The following GNPDA1 variants were observed in gnomAD, a reference collection of about 807,000 sequenced individuals.
GNPDA1 encodes glucosamine-6-phosphate deaminase 1.
In GNPDA1, 24 loss-of-function variants were observed where a neutral mutation model predicts 28.5. The ratio of observed to expected loss-of-function variants is 0.84; its 90% CI spans 0.61 to 1.19. The LOEUF (loss-of-function observed/expected upper bound fraction) is 1.19, where lower values mean the gene tolerates loss of function less well. GNPDA1 is among the 50% of genes most tolerant of loss of function. The pLI is 0.00. For synonymous variants in GNPDA1, 147 were observed against 139.3 expected (o/e 1.06, Z -0.39); for missense variants, 264 against 367.3 (o/e 0.72, Z 2.30).
intron 2 of GNPDA1, among the ~76,000 whole-genome samples, chr5:142,010,165 A>AT (rs558622526): frequency 2.7e-5 from 4 of 150,106 alleles, no homozygotes; most frequent in Non-Finnish European, 5.9e-5. Context: ...TGCGGCCTTT[A>AT]TTTTTTATTT....
chr5:142,006,444 G>A, intron 3 of GNPDA1, 118 bp from the exon 4 acceptor site: 2 of 723,190 alleles, frequency 2.8e-6, no homozygotes, highest in East Asian at 2.7e-5. Context: ...GCCCATCTGG[G>A]AGCCTTAGGC....
At chr5:142,007,105 G>T (rs1308401095) in intron 3 of GNPDA1, among the ~76,000 whole-genome samples, 1 of 152,146 alleles carries the variant, frequency 6.6e-6, no homozygotes, top group Non-Finnish European at 1.5e-5. Flanking sequence ...GTTGTTTCAC[G>T]GGTATAGAGC....
At chr5:142,011,281 A>C (rs1460060205) in intron 2 of GNPDA1, among the ~76,000 whole-genome samples, 1 of 149,898 alleles carries the variant, frequency 6.7e-6, no homozygotes, top group East Asian at 1.9e-4. Flanking sequence ...AGACCCCTCC[A>C]ACACACACAC....
chr5:142,006,432 C>T, intron 3 of GNPDA1, 106 bp from the exon 4 acceptor site: 1 of 806,472 alleles, frequency 1.2e-6, no homozygotes, highest in Non-Finnish European at 2.0e-6. Flanking sequence ...TCCCAGGGGT[C>T]TGCCCATCTG....
intron 2 of GNPDA1, among the ~76,000 whole-genome samples, chr5:142,008,707 A>G (rs1000875378): frequency 3.3e-5 from 5 of 152,128 alleles, no homozygotes; most frequent in African/African-American, 9.7e-5. Flanking sequence ...AGCCTGGCCA[A>G]TAGAGCCAGA....
chr5:142,001,736 G>T lies in GNPDA1; in HGVS notation c.*293C>A, dbSNP rs1447506842. The T allele has an allele frequency of 7.8e-6, 2 of 256,322 alleles. No individual in the cohort carries two copies. Among genetic ancestry groups the T allele is most frequent in the Non-Finnish European group, 1.5e-5 (2 of 135,108 alleles). 15.9% of individuals were successfully genotyped at this position (256,322 alleles called of 1,614,324 possible). A position where few individuals can be genotyped will look rare whatever the true frequency, so the allele number is the denominator to read the frequency against. On this transcript the variant is annotated 3_prime_UTR_variant, in exon 7 of 7. Coordinates refer to ENST00000311337, the MANE Select transcript of GNPDA1 (RefSeq NM_005471.5). ...CCTGACGGGAGTGTGTCATATGTGT[G>T]AACCATGGCTGAAGCAGAACAAAAA...
intron 2 of GNPDA1, among the ~76,000 whole-genome samples, chr5:142,009,566 A>C (rs943640954): frequency 1.3e-5 from 2 of 152,136 alleles, no homozygotes; most frequent in South Asian, 4.1e-4. Context: ...TTGCATACAG[A>C]GGGTACTCAA....
At chr5:142,010,215 G>C (rs191628030) in intron 2 of GNPDA1, among the ~76,000 whole-genome samples, 26 of 152,300 alleles carry the variant, frequency 1.7e-4, no homozygotes, top group Admixed American at 1.6e-3. Flanking sequence ...CTGGAGTGCA[G>C]TGGCACAATC....
chr5:142,012,655 T>G (rs2127100561), intron 1 of GNPDA1: 1 of 748,804 alleles, frequency 1.3e-6, no homozygotes, highest in South Asian at 6.0e-5. Context: ...GGAGGGGTCT[T>G]CCTACTGGCC....
chr5:142,008,573 AC>A (rs1285271741), intron 2 of GNPDA1, among the ~76,000 whole-genome samples: 1 of 152,196 alleles, frequency 6.6e-6, no homozygotes, highest in Non-Finnish European at 1.5e-5. Flanking sequence ...CTAAAAATAC[AC>A]AAAGTAGCTG....
At chr5:142,006,029 G>A in intron 4 of GNPDA1, 115 bp downstream of exon 4, 1 of 824,092 alleles carries the variant, frequency 1.2e-6, no homozygotes, top group Non-Finnish European at 2.0e-6. Flanking sequence ...TCCCGCCTCT[G>A]TCTCTACGGT....
At chr5:142,005,192 C>A in intron 4 of GNPDA1, 76 bp from the exon 5 acceptor site, 2 of 1,159,390 alleles carry the variant, frequency 1.7e-6, no homozygotes, top group East Asian at 2.4e-5. Context: ...CTCTCCTTCC[C>A]TAACTAGGGT....
chr5:142,007,727 G>A, intron 3 of GNPDA1, 72 bp downstream of exon 3: 2 of 887,950 alleles, frequency 2.3e-6, no homozygotes, highest in Admixed American at 1.8e-5. Context: ...TTCCTCTCCA[G>A]GACTGGGCCA....
At chr5:142,006,006 C>G (rs1242641118) in intron 4 of GNPDA1, 138 bp downstream of exon 4, 1 of 669,468 alleles carries the variant, frequency 1.5e-6, no homozygotes, top group Non-Finnish European at 2.6e-6. Context: ...CAGAGCCAGG[C>G]AGGGCCCATT....
At chr5:142,009,535 T>C (rs949069425) in intron 2 of GNPDA1, among the ~76,000 whole-genome samples, 2 of 152,192 alleles carry the variant, frequency 1.3e-5, no homozygotes, top group African/African-American at 2.4e-5. Flanking sequence ...CATTGCTGTA[T>C]CCTTAGAGGC....
At position 142,003,934 on chromosome 5, in the gene GNPDA1, T is replaced by C. The variant is rs1337191107; in HGVS notation, c.595-672A>G. On this transcript the variant is annotated intron_variant, in intron 5 of 6. Transcript: ENST00000311337. This position sits in a 1 kb window ranked among gnomAD's most constrained non-coding sequence, Gnocchi z 4.0. ...GAAAAGAGAAAAAAACTCAGTTCTGTAGATTTCCTTTCATTTTAATTCACA... is the reference window on the plus strand; with the variant it reads ...GAAAAGAGAAAAAAACTCAGTTCTGCAGATTTCCTTTCATTTTAATTCACA... 6.6e-6 allele frequency among the ~76,000 whole-genome samples: 1 copy of C among 152,234 alleles called. No individual in the cohort carries two copies. Among genetic ancestry groups the C allele is most frequent in the African/African-American group, 2.4e-5 (1 of 41,454 alleles).
In GNPDA1 at chr5:142,013,026, G is replaced by A. The variant is rs1226296756; in HGVS notation, c.-38C>T. 1.3e-5 allele frequency: 2 copies of A among 150,790 alleles called. No homozygotes were observed. The highest frequency in any genetic ancestry group is 1.3e-4 in the Admixed American group (2 of 15,122). 9.3% of individuals were successfully genotyped at this position (150,790 alleles called of 1,614,324 possible). On this transcript the variant is annotated 5_prime_UTR_variant, in exon 1 of 7. Coordinates refer to ENST00000311337, the MANE Select transcript of GNPDA1 (RefSeq NM_005471.5). ...GCCTCCCGCGGCGGCTGCAGCGACT[G>A]CGCCGGCGGCCCGGCCCCGCGCGGG... is the stretch of plus-strand genomic sequence containing the variant.
At chr5:142,006,472 T>C in intron 3 of GNPDA1, 146 bp from the exon 4 acceptor site, 1 of 600,768 alleles carries the variant, frequency 1.7e-6, no homozygotes, top group Non-Finnish European at 3.0e-6. Flanking sequence ...CTCTGACCCC[T>C]AGCCACTCGG....
chr5:142,004,264 C>T (rs935813886), intron 5 of GNPDA1, among the ~76,000 whole-genome samples: 4 of 152,150 alleles, frequency 2.6e-5, no homozygotes, highest in Non-Finnish European at 5.9e-5. Flanking sequence ...CACAAAAGTT[C>T]ACTTTAAACA....
Sources: gnomAD v4.1 joint callset for allele counts (sites outside exome capture counted in the v4.1 genomes callset) on GRCh38, gnomAD v4.1.1 for gene constraint, Gnocchi (gnomAD v3.1) non-coding constraint, MANE v1.5 for transcripts, NCBI Gene and HGNC (gene_info 2026-07-23, HGNC 2026-07-21) for gene names.